BABAM2: variants seen among roughly 807,000 people sequenced by gnomAD.
The protein encoded by BABAM2 is BRISC and BRCA1-A complex member 2.
Under a neutral mutation model 54.7 loss-of-function variants are expected in BABAM2, and 31 were observed. That is an observed-to-expected ratio of 0.57 (90% CI 0.43 to 0.77). The LOEUF is 0.77. Ranked by LOEUF, BABAM2 falls within the 30% of genes least tolerant of loss-of-function variation. BABAM2 has a pLI of 0.00. For missense variants in BABAM2, 364 were observed against 455.8 expected, an observed-to-expected ratio of 0.80 and a Z score of 1.83; for synonymous variants, 167 against 162.9, an observed-to-expected ratio of 1.03 and a Z score of -0.19.
At chr2:27,893,087 G>C (rs1374547121) in intron 1 of BABAM2, among the ~76,000 whole-genome samples, 1 of 152,132 alleles carries the variant, frequency 6.6e-6, no homozygotes. Flanking sequence ...TATAATGTAT[G>C]AAAACTAGAA....
At chr2:28,300,772 G>T (rs897009308) in intron 11 of BABAM2, among the ~76,000 whole-genome samples, 2 of 152,130 alleles carry the variant, frequency 1.3e-5, no homozygotes, top group Non-Finnish European at 2.9e-5. Context: ...TTAACAGATT[G>T]GTTCAGAGTT....
intron 2 of BABAM2, among the ~76,000 whole-genome samples, chr2:27,898,494 T>C (rs1665518153): frequency 6.6e-6 from 1 of 152,178 alleles, no homozygotes; most frequent in South Asian, 2.1e-4. Context: ...ACAATCAGAT[T>C]AGATGACTGA....
intron 2 of BABAM2, among the ~76,000 whole-genome samples, chr2:27,922,418 G>A (rs1667405420): frequency 6.6e-6 from 1 of 152,146 alleles, no homozygotes; most frequent in Non-Finnish European, 1.5e-5. Flanking sequence ...ATGTGCGAAG[G>A]TTCTTACGCT....
intron 3 of BABAM2, among the ~76,000 whole-genome samples, chr2:27,983,101 TG>T (rs1419947558): frequency 6.6e-6 from 1 of 152,124 alleles, no homozygotes; most frequent in Non-Finnish European, 1.5e-5. Flanking sequence ...TTTCCTATAG[TG>T]GCTGTACCAT....
At chr2:28,044,272 G>A (rs913197142) in intron 5 of BABAM2, among the ~76,000 whole-genome samples, 1 of 151,974 alleles carries the variant, frequency 6.6e-6, no homozygotes, top group South Asian at 2.1e-4. Context: ...TCTTGTTGCC[G>A]AGGCTGGAGT....
chr2:28,288,811 C>G (rs948548342), intron 10 of BABAM2, among the ~76,000 whole-genome samples: 1 of 152,144 alleles, frequency 6.6e-6, no homozygotes, highest in African/African-American at 2.4e-5. Context: ...GCCCTTCTCC[C>G]TGCGTGACAC....
At chr2:27,965,675 A>G (rs1010518715) in intron 3 of BABAM2, among the ~76,000 whole-genome samples, 16 of 152,222 alleles carry the variant, frequency 1.1e-4, no homozygotes, top group African/African-American at 3.6e-4. Flanking sequence ...ACGTATACAT[A>G]TGTACATACA....
intron 7 of BABAM2, among the ~76,000 whole-genome samples, chr2:28,196,681 C>T (rs1179392282): frequency 1.3e-5 from 2 of 151,874 alleles, no homozygotes; most frequent in Admixed American, 1.3e-4. Context: ...TATCTCCACA[C>T]ACAAAAAATT....
At chr2:28,235,478 C>T (rs540590548) in intron 7 of BABAM2, among the ~76,000 whole-genome samples, 16 of 152,126 alleles carry the variant, frequency 1.1e-4, no homozygotes, top group Admixed American at 8.5e-4. Context: ...CCCAGCCCCA[C>T]AAAATTTATT....
intron 10 of BABAM2, among the ~76,000 whole-genome samples, chr2:28,270,654 A>C (rs1422209379): frequency 6.6e-6 from 1 of 152,202 alleles, no homozygotes; most frequent in Admixed American, 6.5e-5. Flanking sequence ...TGGCATGACT[A>C]TTCCTTCAGT....
intron 11 of BABAM2, among the ~76,000 whole-genome samples, chr2:28,326,473 C>G (rs1000122779): frequency 6.6e-6 from 1 of 152,186 alleles, no homozygotes; most frequent in South Asian, 2.1e-4. Context: ...CAGCACATTC[C>G]TTAGCCCCCC....
intron 5 of BABAM2, among the ~76,000 whole-genome samples, chr2:28,035,351 C>G (rs535229837): frequency 6.6e-6 from 1 of 152,218 alleles, no homozygotes; most frequent in Admixed American, 6.5e-5. Flanking sequence ...GATGGCCTTT[C>G]CCCTACTGGC....
At chr2:28,245,378 C>T (rs983724438) in intron 10 of BABAM2, among the ~76,000 whole-genome samples, 5 of 152,162 alleles carry the variant, frequency 3.3e-5, no homozygotes, top group African/African-American at 7.2e-5. Context: ...AAGTCTACAA[C>T]TTTGATAAAA....
At position 28,296,912 on chromosome 2, in the gene BABAM2, T is replaced by C. The variant is rs371769167; in HGVS notation, c.935-1426T>C. On this transcript the variant is annotated intron_variant, in intron 10 of 11. Coordinates refer to ENST00000379624, the MANE Select transcript of BABAM2 (RefSeq NM_199191.3). ...CATGTTGGCCAGGCTGGTCTTGAAC[T>C]CCTGACCTCAGGTAATCCACCCACC... is the stretch of plus-strand genomic sequence containing the variant. Among the ~76,000 whole-genome samples, 3 of 152,302 alleles carry C rather than the reference T, an allele frequency of 2.0e-5. No homozygotes were observed. In the South Asian group the frequency reaches 6.2e-4, roughly 32 times the overall value.
intron 4 of BABAM2, among the ~76,000 whole-genome samples, chr2:27,992,251 AGAGTTCTTTATTCT>A (rs1168184481): frequency 6.6e-6 from 1 of 152,186 alleles, no homozygotes; most frequent in African/African-American, 2.4e-5. Flanking sequence ...TTCAGTTGTA[AGAGTTCTTTATTCT>A]GAGCATAAAA....
intron 7 of BABAM2, among the ~76,000 whole-genome samples, chr2:28,157,632 G>C (rs1202788904): frequency 6.6e-6 from 1 of 152,104 alleles, no homozygotes; most frequent in Non-Finnish European, 1.5e-5. Context: ...TTTTGAGATG[G>C]AGTCTCTCTC....
intron 4 of BABAM2, among the ~76,000 whole-genome samples, chr2:27,991,052 A>G (rs1558641566): frequency 6.6e-6 from 1 of 152,166 alleles, no homozygotes; most frequent in Non-Finnish European, 1.5e-5. Flanking sequence ...TATCTCATAG[A>G]TAGCAAAGGT....
intron 6 of BABAM2, among the ~76,000 whole-genome samples, chr2:28,048,917 G>C (rs765411467): frequency 2.0e-5 from 3 of 152,152 alleles, no homozygotes; most frequent in Non-Finnish European, 2.9e-5. Context: ...GTGTATTCCT[G>C]TCTTTATTTT....
At chr2:27,939,431 A>G (rs962539858) in intron 3 of BABAM2, among the ~76,000 whole-genome samples, 4 of 152,246 alleles carry the variant, frequency 2.6e-5, no homozygotes, top group African/African-American at 9.6e-5. Flanking sequence ...TTTGTTGAAG[A>G]AATAGAATGA....
Sources: gnomAD v4.1 joint callset for allele counts (sites outside exome capture counted in the v4.1 genomes callset) on GRCh38, gnomAD v4.1.1 for gene constraint, MANE v1.5 for transcripts, NCBI Gene and HGNC (gene_info 2026-07-23, HGNC 2026-07-21) for gene names.